EXTL1: variants seen among roughly 807,000 people sequenced by gnomAD.
EXTL1 encodes the protein exostosin-like 1.
Under a neutral mutation model 64.6 loss-of-function variants are expected in EXTL1, and 43 were observed. That is an observed-to-expected ratio of 0.67 (90% CI 0.52 to 0.86). The LOEUF (loss-of-function observed/expected upper bound fraction) is 0.86. EXTL1 is among the 40% of genes least tolerant of loss of function. The pLI, the probability that EXTL1 is intolerant of heterozygous loss-of-function variation, is 0.00. For missense variants in EXTL1, 766 were observed against 879.0 expected (o/e 0.87, Z 1.62); for synonymous variants, 352 against 360.5 (o/e 0.98, Z 0.27).
At position 26,029,659 on chromosome 1, in the gene EXTL1, C is replaced by A. The variant is rs1280725603; in HGVS notation, c.933C>A (p.Ile311=). 1.9e-6 allele frequency: 3 copies of A among 1,612,456 alleles called. No individual in the cohort carries two copies. Among genetic ancestry groups the A allele is most frequent in the South Asian group, 2.2e-5 (2 of 90,790 alleles). The part of the protein sequence containing the change: ...PRWELPFSEV[I]DWTKAAIVAD... ...GGGAGCTGCCCTTCTCCGAGGTCAT[C>A]GACTGGACCAAGGCAGCCATCGTAG... The change falls in exon 3 of 11, where the codon ATC becomes ATA. Residue 311 remains isoleucine, a synonymous_variant. Transcript: ENST00000374280.
intron 4 of EXTL1, 141 bp downstream of exon 4, chr1:26,030,736 C>A: frequency 1.0e-6 from 1 of 994,786 alleles, no homozygotes; most frequent in Non-Finnish European, 1.4e-6. Context: ...TGAGACTTGG[C>A]TGTGAGATTT....
At chr1:26,029,560 G>C (rs1425793789) in intron 2 of EXTL1, 40 bp from the exon 3 acceptor site, 3 of 1,245,858 alleles carry the variant, frequency 2.4e-6, no homozygotes, top group Non-Finnish European at 3.5e-6. Flanking sequence ...AGTATGTGCA[G>C]GGTGGGGCTG....
At position 26,034,976 on chromosome 1, in the gene EXTL1, G is replaced by A. The variant is rs149087886; in HGVS notation, c.1820G>A (p.Gly607Asp). 5.3e-5 allele frequency: 85 copies of A among 1,614,212 alleles called. No individual in the cohort carries two copies. The African/African-American group carries it at 1.1e-3, about 20-fold the overall frequency. Residue 607 changes from glycine (G) to aspartate (D), a missense_variant, in exon 10 of 11, where the codon GGC becomes GAC. Gly to Asp is a moderately conservative substitution (Grantham distance 94). Coordinates refer to ENST00000374280, the MANE Select transcript of EXTL1 (RefSeq NM_004455.3). The surrounding 1 kb of genome is among the most constrained non-coding windows in gnomAD (Gnocchi z 4.6). ...TKLPPIKVPY[G>D]KQRQEAAPLA... ...CTGCCCCCTATCAAGGTGCCCTATG[G>A]CAAGCAGCGCCAGGAGGCTGCTCCA...
In EXTL1 at chr1:26,030,525, G is replaced by A. The variant is rs146384192; in HGVS notation, c.1031G>A (p.Arg344His). 1.9e-5 allele frequency: 31 copies of A among 1,613,376 alleles called. No homozygotes were observed. The highest frequency in any genetic ancestry group is 9.4e-5 in the African/African-American group (7 of 74,860). ...EMSPARVLAL[R>H]QQTQFLWDAY... Reference sequence around the variant, plus strand: ...TCCCCTGCACGGGTCCTCGCCCTGCGTCAGCAGACCCAGTTTCTATGGGAT... The same window carrying A: ...TCCCCTGCACGGGTCCTCGCCCTGCATCAGCAGACCCAGTTTCTATGGGAT... The change falls in exon 4 of 11, where the codon CGT (arginine) becomes CAT (histidine). Residue 344 changes from arginine to histidine, a missense_variant. Arg to His is a conservative substitution (Grantham distance 29). Coordinates refer to ENST00000374280, the MANE Select transcript of EXTL1 (RefSeq NM_004455.3).
rs367630414 is a variant in EXTL1, at chr1:26,033,774, G to A, written c.1597G>A (p.Glu533Lys). ...GFLTSSHFWD[E>K]AHGGWGYTAE... ...CCTGACGTCGAGCCATTTCTGGGAC[G>A]AGGCCCATGGTGGCTGGGGCTACAC... The change falls in exon 9 of 11, where the codon GAG becomes AAG. Residue 533 changes from glutamate (E) to lysine (K), a missense_variant. By Grantham distance (56) the Glu-to-Lys change is moderately conservative (BLOSUM62 1). Transcript: ENST00000374280. The surrounding 1 kb of genome is among the most constrained non-coding windows in gnomAD (Gnocchi z 5.1). 1.2e-5 allele frequency: 20 copies of A among 1,614,050 alleles called. No individual in the cohort carries two copies. The highest frequency in any genetic ancestry group is 1.7e-5 in the Non-Finnish European group (20 of 1,180,026).
At position 26,032,502 on chromosome 1, in the gene EXTL1, G is replaced by T. The variant is rs1472975065; in HGVS notation, c.1431+17G>T. The T allele has an allele frequency of 6.5e-7, 1 of 1,541,616 alleles. No individual in the cohort carries two copies. Among genetic ancestry groups the T allele is most frequent in the Non-Finnish European group, 8.8e-7 (1 of 1,138,812 alleles). The stretch of plus-strand genomic sequence containing the variant: ...CACAGGAAGGTAAGGGATGAGGAGA[G>T]CCATGAAAGGGGTGGGCCCATGCTG... On this transcript the variant is annotated intron_variant, in intron 7 of 10. Coordinates refer to ENST00000374280, the MANE Select transcript of EXTL1 (RefSeq NM_004455.3).
In EXTL1 at chr1:26,025,805, C is replaced by A. The variant is rs1200392041; in HGVS notation, c.779+2380C>A. ...TCTTACGTGTCTTTTCTGAGAAACT[C>A]TGCGTGTGTACAAGCAATATGTATA... On this transcript the variant is annotated intron_variant, in intron 1 of 10. Coordinates refer to ENST00000374280, the MANE Select transcript of EXTL1 (RefSeq NM_004455.3). This position sits in a 1 kb window ranked among gnomAD's most constrained non-coding sequence, Gnocchi z 5.3. 6.6e-6 allele frequency among the ~76,000 whole-genome samples: 1 copy of A among 152,140 alleles called. No homozygotes were observed. Among genetic ancestry groups the A allele is most frequent in the East Asian group, 1.9e-4 (1 of 5,192 alleles).
intron 5 of EXTL1, 81 bp downstream of exon 5, chr1:26,031,345 A>C: frequency 1.3e-6 from 2 of 1,536,104 alleles, no homozygotes; most frequent in Non-Finnish European, 1.8e-6. Context: ...GAGCCCCACC[A>C]AGACCCTTTC....
In EXTL1 at chr1:26,035,296, G is replaced by A; in HGVS notation, c.1980G>A (p.Lys660=). ...SRLRLDPVLF[K]DPVSVQRKKY... is the part of the protein sequence containing the mutation. ...TGCGTCTGGACCCGGTGCTGTTTAAGGACCCGGTGTCCGTGCAGCGCAAGA... is the reference window on the plus strand; with the variant it reads ...TGCGTCTGGACCCGGTGCTGTTTAAAGACCCGGTGTCCGTGCAGCGCAAGA... The change falls in exon 11 of 11, where the codon AAG becomes AAA. Residue 660 remains lysine (K), a synonymous_variant. Coordinates refer to ENST00000374280, the MANE Select transcript of EXTL1 (RefSeq NM_004455.3). This position sits in a 1 kb window ranked among gnomAD's most constrained non-coding sequence, Gnocchi z 5.3. 6.2e-7 allele frequency: 1 copy of A among 1,613,364 alleles called. No homozygotes were observed. The highest frequency in any genetic ancestry group is 8.5e-7 in the Non-Finnish European group (1 of 1,179,828).
intron 1 of EXTL1, among the ~76,000 whole-genome samples, chr1:26,026,557 G>A (rs2050218473): frequency 6.6e-6 from 1 of 152,160 alleles, no homozygotes; most frequent in Non-Finnish European, 1.5e-5. Context: ...GCCTCCCAAA[G>A]TGCTGAGATT....
rs1170264948 is a variant in EXTL1 at position 26,022,410 on chromosome 1, A to AG, written c.-231dup. ...GCCGAGAAGGCAGAGTCCTGAGAGC[A>AG]GGGGGGCCAGGCCAGCAAGCTGGGT... On this transcript the variant is annotated 5_prime_UTR_variant, in exon 1 of 11. An upstream open reading frame in the 5' UTR gains an earlier in-frame stop. Coordinates refer to ENST00000374280, the MANE Select transcript of EXTL1 (RefSeq NM_004455.3). The AG allele has an allele frequency of 4.1e-6, 2 of 492,442 alleles. No individual in the cohort carries two copies. The allele number at this position is 492,442 out of a possible 1,614,324, so 30.5% of individuals were successfully genotyped here. A position where few individuals can be genotyped will look rare whatever the true frequency, so the allele number is the denominator to read the frequency against.
At position 26,033,185 on chromosome 1, in the gene EXTL1, G is replaced by A. The variant is rs1449128988; in HGVS notation, c.1432-44G>A. The A allele has an allele frequency of 2.1e-5, 29 of 1,362,298 alleles. No homozygotes were observed. Among genetic ancestry groups the A allele is most frequent in the Non-Finnish European group, 2.9e-5 (28 of 951,102 alleles). 84.4% of individuals were successfully genotyped at this position (1,362,298 alleles called of 1,614,324 possible). On this transcript the variant is annotated intron_variant, in intron 7 of 10. Transcript: ENST00000374280. This position sits in a 1 kb window ranked among gnomAD's most constrained non-coding sequence, Gnocchi z 5.1. Reference sequence around the variant, plus strand: ...CTCCTACTTATTGGATGGGGGTGGGGGGAATGTTCCAATGGCTGAGTTCCC... The same window carrying A: ...CTCCTACTTATTGGATGGGGGTGGGAGGAATGTTCCAATGGCTGAGTTCCC...
rs2050304936 is a variant in EXTL1 at position 26,033,074 on chromosome 1, T to C, written c.1432-155T>C. Among the ~76,000 whole-genome samples the C allele has an allele frequency of 6.6e-6, 1 of 152,162 alleles. No homozygotes were observed. The highest frequency in any genetic ancestry group is 1.5e-5 in the Non-Finnish European group (1 of 68,030). On this transcript the variant is annotated intron_variant, in intron 7 of 10. Transcript: ENST00000374280. The surrounding 1 kb of genome is among the most constrained non-coding windows in gnomAD (Gnocchi z 5.1). Reference sequence around the variant, plus strand: ...GTCCCAAAACGAGCTCTGCACAGGCTTGCCATATTTGAGGCCCAGGCGTCT... The same window carrying C: ...GTCCCAAAACGAGCTCTGCACAGGCCTGCCATATTTGAGGCCCAGGCGTCT...
intron 3 of EXTL1, 48 bp downstream of exon 3, chr1:26,029,755 G>A (rs1343841584): frequency 1.6e-6 from 2 of 1,261,742 alleles, no homozygotes; most frequent in Non-Finnish European, 2.3e-6. Context: ...CCAGGACAGG[G>A]GAGGGACCTA....
chr1:26,030,696 C>CCG (rs2050274524), intron 4 of EXTL1, 101 bp downstream of exon 4: 1 of 1,350,226 alleles, frequency 7.4e-7, no homozygotes. Flanking sequence ...AACCCCCCCC[C>CCG]CTTCCTTGAA....
Position 26,022,812 on chromosome 1 carries a change from C to T in EXTL1, c.166C>T (p.Gln56Ter), listed in dbSNP as rs752284276. The change falls in exon 1 of 11, where the codon CAG (glutamine) becomes TAG (stop). Residue 56 changes from glutamine (Q) to a stop codon, truncating the protein, a stop_gained. Transcript: ENST00000374280. LOFTEE classifies it high-confidence loss of function. ...CCGCTGGCTGGATGCAGAGCTCCTG[C>T]AGAGCTTCTCCCAGCCTGGAGAGCT... ...WPRWLDAELL[Q>*]SFSQPGELPE... 15 of 1,613,942 alleles carry T rather than the reference C, an allele frequency of 9.3e-6. No homozygotes were observed. The highest frequency in any genetic ancestry group is 1.2e-5 in the Non-Finnish European group (14 of 1,179,996).
At chr1:26,024,004 C>T (rs2050185704) in intron 1 of EXTL1, among the ~76,000 whole-genome samples, 1 of 152,194 alleles carries the variant, frequency 6.6e-6, no homozygotes. Flanking sequence ...CTGGAAGCTG[C>T]TCCCGTGTCT....
In EXTL1 at chr1:26,022,993, C is replaced by T. The variant is rs1307746236; in HGVS notation, c.347C>T (p.Ala116Val). 1 of 1,614,210 alleles carries T rather than the reference C, an allele frequency of 6.2e-7. No individual in the cohort carries two copies. The highest frequency in any genetic ancestry group is 1.7e-5 in the Admixed American group (1 of 60,024). ...TISETHRRILASIEGSRFYTF... is the reference protein window; with the variant it reads ...TISETHRRILVSIEGSRFYTF... ...TCTGAGACTCATCGCAGGATCCTGG[C>T]TTCCATTGAGGGCTCTCGCTTCTAC... is the stretch of plus-strand genomic sequence containing the variant. The change falls in exon 1 of 11, where the codon GCT becomes GTT. Residue 116 changes from alanine (A) to valine (V), a missense_variant. By Grantham distance (64) the Ala-to-Val change is moderately conservative. Around this residue, in one of 3 missense-constraint regions of EXTL1, gnomAD observed 571 missense variants for 647.6 expected, o/e 0.88. Transcript: ENST00000374280.
intron 1 of EXTL1, among the ~76,000 whole-genome samples, chr1:26,028,407 G>A (rs1472204993): frequency 6.6e-6 from 1 of 152,222 alleles, no homozygotes; most frequent in Non-Finnish European, 1.5e-5. Context: ...TAACTGAGGA[G>A]GGTCCTAGTA....
Sources: allele counts gnomAD v4.1 joint callset (sites outside exome capture counted in the v4.1 genomes callset), GRCh38; gene constraint gnomAD v4.1.1; regional missense constraint gnomAD v4.1.1; non-coding constraint Gnocchi (gnomAD v3.1); transcripts MANE v1.5; gene names NCBI Gene and HGNC (gene_info 2026-07-23, HGNC 2026-07-21).